The following ZNF804A variants were observed in gnomAD, a reference collection of about 807,000 sequenced individuals.
ZNF804A encodes zinc finger protein 804A.
In ZNF804A, 2 loss-of-function variants were observed where a neutral mutation model predicts 16.5. The observed-to-expected ratio is 0.12, with a 90% CI of 0.05 to 0.38. ZNF804A has a LOEUF of 0.38. Among genes scored for constraint, ZNF804A ranks in the 10% least tolerant of loss-of-function variants. The probability of loss-of-function intolerance (pLI) is 0.99; values close to 1 mark genes in which losing one functional copy is unlikely to be tolerated. For missense variants in ZNF804A, 1,473 were observed against 1,390.7 expected, an observed-to-expected ratio of 1.06 and a Z score of -0.94; for synonymous variants, 534 against 489.6, an observed-to-expected ratio of 1.09 and a Z score of -1.20.
At chr2:184,791,481 G>T (rs1388022580) in intron 1 of ZNF804A, among the ~76,000 whole-genome samples, 3 of 152,086 alleles carry the variant, frequency 2.0e-5, no homozygotes, top group African/African-American at 2.4e-5. Flanking sequence ...CTAATAATAA[G>T]CTCCCAATCT....
At chr2:184,768,866 G>T (rs1185906226) in intron 1 of ZNF804A, among the ~76,000 whole-genome samples, 2 of 151,962 alleles carry the variant, frequency 1.3e-5, no homozygotes, top group African/African-American at 2.4e-5. Flanking sequence ...TAGCAAAGCA[G>T]ATCTTTAAAA....
chr2:184,767,463 T>A (rs1694145461), intron 1 of ZNF804A, among the ~76,000 whole-genome samples: 1 of 152,106 alleles, frequency 6.6e-6, no homozygotes, highest in African/African-American at 2.4e-5. Flanking sequence ...AATGGAGAGT[T>A]GTTTAATGGG....
intron 1 of ZNF804A, among the ~76,000 whole-genome samples, chr2:184,791,862 T>G (rs1350198286): frequency 6.6e-6 from 1 of 152,140 alleles, no homozygotes; most frequent in East Asian, 1.9e-4. Flanking sequence ...CCACTGATAG[T>G]TTTACTTATC....
chr2:184,883,589 A>G (rs1210989320), intron 2 of ZNF804A, among the ~76,000 whole-genome samples: 1 of 152,086 alleles, frequency 6.6e-6, no homozygotes, highest in East Asian at 1.9e-4. Context: ...GCACATCAAA[A>G]AGCTAATCCA....
intron 1 of ZNF804A, among the ~76,000 whole-genome samples, chr2:184,645,963 G>A (rs1691864023): frequency 6.6e-6 from 1 of 152,204 alleles, no homozygotes; most frequent in African/African-American, 2.4e-5. Context: ...GTCAGGATGA[G>A]GGAGAGCGCT....
chr2:184,774,287 C>A (rs760463731), intron 1 of ZNF804A, among the ~76,000 whole-genome samples: 1 of 151,772 alleles, frequency 6.6e-6, no homozygotes, highest in Non-Finnish European at 1.5e-5. Context: ...AATGAGGTGG[C>A]GACTAATGTC....
intron 1 of ZNF804A, among the ~76,000 whole-genome samples, chr2:184,607,305 T>C (rs1218320209): frequency 6.6e-6 from 1 of 152,188 alleles, no homozygotes; most frequent in African/African-American, 2.4e-5. Context: ...AAGGACATAA[T>C]TGAGACTAGG....
intron 1 of ZNF804A, among the ~76,000 whole-genome samples, chr2:184,644,506 ATTTG>A (rs1691842345): frequency 6.6e-6 from 1 of 151,988 alleles, no homozygotes. Context: ...ATCTGTAATT[ATTTG>A]TTTGACAGTT....
intron 1 of ZNF804A, among the ~76,000 whole-genome samples, chr2:184,769,065 A>G (rs1694172183): frequency 6.6e-6 from 1 of 152,084 alleles, no homozygotes; most frequent in Non-Finnish European, 1.5e-5. Context: ...TATGTTTTAT[A>G]GCACTTTCAT....
chr2:184,901,651 C>T (rs1195529122), intron 2 of ZNF804A, among the ~76,000 whole-genome samples: 2 of 151,960 alleles, frequency 1.3e-5, no homozygotes, highest in Non-Finnish European at 2.9e-5. Flanking sequence ...ATATGAAAGG[C>T]TTTTGTGATT....
chr2:184,847,899 C>A (rs1320932035), intron 1 of ZNF804A, among the ~76,000 whole-genome samples: 1 of 152,014 alleles, frequency 6.6e-6, no homozygotes, highest in Non-Finnish European at 1.5e-5. Flanking sequence ...TCAGGAACAG[C>A]CAGATTGGAG....
At chr2:184,669,730 ACTT>A in intron 1 of ZNF804A, among the ~76,000 whole-genome samples, 1 of 149,112 alleles carries the variant, frequency 6.7e-6, no homozygotes, top group East Asian at 2.0e-4. Flanking sequence ...CTCCTGGATG[ACTT>A]GGTTGCCACA....
At chr2:184,856,125 T>C (rs750740135) in intron 1 of ZNF804A, among the ~76,000 whole-genome samples, 2 of 152,070 alleles carry the variant, frequency 1.3e-5, no homozygotes, top group Non-Finnish European at 2.9e-5. Context: ...ATATGTGTGA[T>C]GGGCTTTTTT....
intron 1 of ZNF804A, among the ~76,000 whole-genome samples, chr2:184,662,932 G>T (rs969460315): frequency 6.6e-6 from 1 of 152,148 alleles, no homozygotes; most frequent in Non-Finnish European, 1.5e-5. Flanking sequence ...TAAGTATTTA[G>T]AATGCTTTCT....
At chr2:184,857,030 T>A (rs560463480) in intron 1 of ZNF804A, among the ~76,000 whole-genome samples, 55 of 152,246 alleles carry the variant, frequency 3.6e-4, no homozygotes, top group African/African-American at 1.3e-3. Flanking sequence ...GAGCTTGATC[T>A]TCTTTTTCTA....
intron 2 of ZNF804A, among the ~76,000 whole-genome samples, chr2:184,926,622 T>C (rs1685616739): frequency 6.6e-6 from 1 of 152,118 alleles, no homozygotes; most frequent in Non-Finnish European, 1.5e-5. Flanking sequence ...AAGATCCTAT[T>C]TAAGGCCAAA....
intron 1 of ZNF804A, among the ~76,000 whole-genome samples, chr2:184,853,868 CT>C (rs35756065): frequency 0.54 from 74,981 of 138,022 alleles, 20,886 homozygotes; most frequent in East Asian, 0.78. Flanking sequence ...AATTTTGTTT[CT>C]TTTTTTTTTT....
intron 1 of ZNF804A, among the ~76,000 whole-genome samples, chr2:184,814,645 C>G (rs75413790): frequency 1.9e-3 from 285 of 152,104 alleles, no homozygotes; most frequent in Non-Finnish European, 3.4e-3. Context: ...TCAAGAGCTG[C>G]CTGGGATATA....
intron 1 of ZNF804A, among the ~76,000 whole-genome samples, chr2:184,685,115 A>C (rs1159278105): frequency 6.6e-6 from 1 of 152,108 alleles, no homozygotes. Flanking sequence ...GGGTCTAGCC[A>C]CTGCACACAG....
Sources: allele counts gnomAD v4.1 joint callset (sites outside exome capture counted in the v4.1 genomes callset), GRCh38; gene constraint gnomAD v4.1.1; transcripts MANE v1.5; gene names NCBI Gene and HGNC (gene_info 2026-07-23, HGNC 2026-07-21).